Variants in DPF2 observed in about 807,000 individuals in gnomAD.
DPF2 encodes the protein double PHD fingers 2, also known as zinc finger protein ubi-d4.
A neutral mutation model predicts 59.6 loss-of-function variants in DPF2; 10 were observed. That is an observed-to-expected ratio of 0.17 (90% CI 0.10 to 0.28). The LOEUF is 0.28. Ranked by LOEUF, DPF2 falls within the 10% of genes least tolerant of loss-of-function variation. The pLI is 1.00. For missense variants in DPF2, 315 were observed against 509.4 expected (o/e 0.62, Z 3.67); for synonymous variants, 189 against 190.6 (o/e 0.99, Z 0.07).
At chr11:65,349,611 C>T (rs985622421) in intron 10 of DPF2, among the ~76,000 whole-genome samples, 3 of 152,048 alleles carry the variant, frequency 2.0e-5, no homozygotes, top group Non-Finnish European at 4.4e-5. Context: ...CTGGCTAACA[C>T]GGTGAAACCC....
At position 65,334,864 on chromosome 11, in the gene DPF2, G is replaced by T. The variant is rs187714805; in HGVS notation, c.32+946G>T. Among the ~76,000 whole-genome samples, 165 of 152,272 alleles carry T rather than the reference G, an allele frequency of 1.1e-3. 1 individual carries two copies. The highest frequency in any genetic ancestry group is 4.3e-4 in the Non-Finnish European group (29 of 68,020). On this transcript the variant is annotated intron_variant, in intron 1 of 10. Transcript: ENST00000528416. ...TGAGTGGTGTCTAGCTGTCCAGTCAGGGTTTTTGCATTTTGACTGGATGAC... is the reference window on the plus strand; with the variant it reads ...TGAGTGGTGTCTAGCTGTCCAGTCATGGTTTTTGCATTTTGACTGGATGAC...
chr11:65,335,784 T>C (rs1266234996), intron 1 of DPF2, among the ~76,000 whole-genome samples: 1 of 152,180 alleles, frequency 6.6e-6, no homozygotes, highest in Non-Finnish European at 1.5e-5. Flanking sequence ...ATTGAGTACA[T>C]TGAGGTCAGG....
intron 6 of DPF2, chr11:65,344,763 C>A: frequency 1.1e-6 from 1 of 880,404 alleles, no homozygotes. Context: ...GGAATTTCTG[C>A]TGTGCTCTAC....
rs909368156 is a variant in DPF2, at chr11:65,337,218, G to A, written c.33-3167G>A. On this transcript the variant is annotated intron_variant, in intron 1 of 10. Transcript: ENST00000528416. ...TGTAATCCCAGAACTTTGGAAGGCC[G>A]AGGTGGGCGGATCATGAGGTCAGGA... is the stretch of plus-strand genomic sequence containing the variant. Among the ~76,000 whole-genome samples the A allele has an allele frequency of 3.2e-4, 49 of 151,872 alleles. 1 individual carries two copies. Among genetic ancestry groups the A allele is most frequent in the Admixed American group, 2.4e-3 (37 of 15,224 alleles).
chr11:65,335,873 G>T (rs1362998015), intron 1 of DPF2, among the ~76,000 whole-genome samples: 2 of 152,176 alleles, frequency 1.3e-5, no homozygotes, highest in African/African-American at 4.8e-5. Context: ...GAATGCAGTG[G>T]CACGATCTTG....
chr11:65,340,031 T>G (rs918056854), intron 1 of DPF2, among the ~76,000 whole-genome samples: 1 of 152,180 alleles, frequency 6.6e-6, no homozygotes, highest in Admixed American at 6.5e-5. Flanking sequence ...ATCATCTGCT[T>G]CTTAGCCTCA....
chr11:65,344,549 T>C (rs1424065822), intron 6 of DPF2: 13 of 1,533,774 alleles, frequency 8.5e-6, no homozygotes, highest in Non-Finnish European at 1.1e-5. Context: ...ATCAAGGCCT[T>C]CTTCTCATGA....
At chr11:65,338,253 A>C (rs560112341) in intron 1 of DPF2, among the ~76,000 whole-genome samples, 1 of 152,110 alleles carries the variant, frequency 6.6e-6, no homozygotes, top group East Asian at 1.9e-4. Flanking sequence ...GGCCTCCCTT[A>C]AGTTCTTAAG....
chr11:65,343,834 C>G lies in DPF2; in HGVS notation c.555C>G (p.Ser185=). ...DTPKRRGKGK[S]KGKGVGSARK... The stretch of plus-strand genomic sequence containing the variant: ...CCAAGCGTCGGGGAAAGGGGAAATC[C>G]AAGGTGAGGGGCCAGCGTGCTGCCT... Residue 185 remains serine, a synonymous_variant, in exon 5 of 11, where the codon TCC becomes TCG. Coordinates refer to ENST00000528416, the MANE Select transcript of DPF2 (RefSeq NM_006268.5). The G allele has an allele frequency of 6.3e-7, 1 of 1,584,306 alleles. No homozygotes were observed. Among genetic ancestry groups the G allele is most frequent in the South Asian group, 1.1e-5 (1 of 87,508 alleles).
chr11:65,351,438 A>G (rs1854694755), intron 10 of DPF2, among the ~76,000 whole-genome samples: 1 of 152,178 alleles, frequency 6.6e-6, no homozygotes, highest in African/African-American at 2.4e-5. Flanking sequence ...GGGCCTGGGC[A>G]TCAGTATTCT....
intron 9 of DPF2, chr11:65,346,617 C>T: frequency 2.4e-6 from 1 of 409,840 alleles, no homozygotes; most frequent in Non-Finnish European, 4.4e-6. Context: ...GATTTACATT[C>T]TTACAGGAAC....
Position 65,345,758 on chromosome 11 carries a change from T to A in DPF2, c.730T>A (p.Ser244Thr). Residue 244 changes from serine (S) to threonine (T), a missense_variant, in exon 7 of 11, where the codon TCT (serine) becomes ACT (threonine). By Grantham distance (58) the Ser-to-Thr change is moderately conservative (BLOSUM62 1). This residue lies in a region of DPF2 where 58 missense variants were observed against 84.6 expected (regional missense o/e 0.69). Transcript: ENST00000528416. The stretch of plus-strand genomic sequence containing the variant: ...GGAGGAGGGCGAGGACAAGGAAGAC[T>A]CTCAACCACCCACTCCTGTTTCCCA... Reference protein sequence around the residue: ...AEEEGEDKEDSQPPTPVSQRS... With the variant: ...AEEEGEDKEDTQPPTPVSQRS... 1 of 1,614,070 alleles carries A rather than the reference T, an allele frequency of 6.2e-7. No homozygotes were observed. Among genetic ancestry groups the A allele is most frequent in the South Asian group, 1.1e-5 (1 of 91,080 alleles).
intron 6 of DPF2, 185 bp from the exon 7 acceptor site, chr11:65,345,481 G>C (rs375695620): frequency 2.7e-6 from 2 of 736,812 alleles, no homozygotes; most frequent in Non-Finnish European, 4.3e-6. Context: ...AAGCTAGAGA[G>C]CCCCACGGCC....
chr11:65,352,189 G>T lies in DPF2; in HGVS notation c.*430G>T. On this transcript the variant is annotated 3_prime_UTR_variant, in exon 11 of 11. Transcript: ENST00000528416. ...AGCCAGGCCAGGGAGCTGGGAGCGA[G>T]CAAGCTGAGGCCACGTCCACAAGGA... is the stretch of plus-strand genomic sequence containing the variant. The T allele has an allele frequency of 5.2e-6, 1 of 191,712 alleles. No homozygotes were observed. Among genetic ancestry groups the T allele is most frequent in the Non-Finnish European group, 1.1e-5 (1 of 91,262 alleles). The allele number at this position is 191,712 out of a possible 1,614,324, so 11.9% of individuals were successfully genotyped here. A position where few individuals can be genotyped will look rare whatever the true frequency, so the allele number is the denominator to read the frequency against.
chr11:65,347,311 G>A (rs1273071419), intron 9 of DPF2: 2 of 152,046 alleles, frequency 1.3e-5, no homozygotes, highest in African/African-American at 4.8e-5. Context: ...ACTGCACCCA[G>A]CTATTTATTT....
At chr11:65,343,391 G>C (rs1854436769) in intron 4 of DPF2, 1 of 235,058 alleles carries the variant, frequency 4.3e-6, no homozygotes, top group Non-Finnish European at 8.3e-6. Flanking sequence ...TGTCAGGACA[G>C]AACCACCAAT....
In DPF2 at chr11:65,346,236, C is replaced by T. The variant is rs1317830590; in HGVS notation, c.905-11C>T. 6.2e-7 allele frequency: 1 copy of T among 1,613,602 alleles called. No homozygotes were observed. Among genetic ancestry groups the T allele is most frequent in the Non-Finnish European group, 8.5e-7 (1 of 1,179,740 alleles). Reference sequence around the variant, plus strand: ...TCCGACTGTCTGTCTCACTCACTTCCCCCACTACAGGGCATCCATCTTGCC... The same window carrying T: ...TCCGACTGTCTGTCTCACTCACTTCTCCCACTACAGGGCATCCATCTTGCC... On this transcript the variant is annotated splice_polypyrimidine_tract_variant and intron_variant, in intron 8 of 10. Transcript: ENST00000528416.
At chr11:65,345,903 T>C in intron 7 of DPF2, 27 bp from the exon 8 acceptor site, 1 of 1,613,690 alleles carries the variant, frequency 6.2e-7, no homozygotes, top group Non-Finnish European at 8.5e-7. Context: ...CCCCCATGGG[T>C]GTCATCAAAA....
chr11:65,351,357 G>A (rs1259648800), intron 10 of DPF2, among the ~76,000 whole-genome samples: 2 of 152,120 alleles, frequency 1.3e-5, no homozygotes, highest in Non-Finnish European at 2.9e-5. Context: ...TAAAACTGAG[G>A]TGCTTGACAA....
Sources: allele counts gnomAD v4.1 joint callset (sites outside exome capture counted in the v4.1 genomes callset), GRCh38; gene constraint gnomAD v4.1.1; regional missense constraint gnomAD v4.1.1; transcripts MANE v1.5; gene names NCBI Gene and HGNC (gene_info 2026-07-23, HGNC 2026-07-21).